BMP6: variants seen among roughly 807,000 people sequenced by gnomAD.
BMP6 encodes the protein bone morphogenetic protein 6.
BMP6 carries 17 observed loss-of-function variants against 54.1 expected under a neutral mutation model. The observed-to-expected ratio is 0.31, with a 90% CI of 0.22 to 0.47. The LOEUF is 0.47. BMP6 is among the 20% of genes least tolerant of loss of function. BMP6 has a pLI of 1.00. For synonymous variants in BMP6, 328 were observed against 291.2 expected, an observed-to-expected ratio of 1.13 and a Z score of -1.28; for missense variants, 720 against 690.4, an observed-to-expected ratio of 1.04 and a Z score of -0.48.
At chr6:7,762,859 T>C (rs976308120) in intron 1 of BMP6, among the ~76,000 whole-genome samples, 2 of 152,224 alleles carry the variant, frequency 1.3e-5, no homozygotes, top group African/African-American at 2.4e-5. Context: ...TCTTAATAGT[T>C]GGCTTGATGT....
rs1318271513 is a variant in BMP6, at chr6:7,727,201, G to A, written c.246G>A (p.Glu82=). The A allele has an allele frequency of 6.2e-7, 1 of 1,604,806 alleles. No homozygotes were observed. The highest frequency in any genetic ancestry group is 1.1e-5 in the South Asian group (1 of 90,344). The part of the protein sequence containing the change: ...KTQEKREMQK[E]ILSVLGLPHR... ...AGGAGAAGCGGGAGATGCAGAAGGA[G>A]ATCTTGTCGGTGCTGGGGCTCCCGC... Residue 82 remains glutamate, a synonymous_variant, in exon 1 of 7, where the codon GAG becomes GAA. Transcript: ENST00000283147.
At chr6:7,796,193 A>G (rs896212821) in intron 1 of BMP6, among the ~76,000 whole-genome samples, 1 of 152,220 alleles carries the variant, frequency 6.6e-6, no homozygotes, top group Non-Finnish European at 1.5e-5. Flanking sequence ...TCAGACATCT[A>G]TGGAATCTCA....
At position 7,870,479 on chromosome 6, in the gene BMP6, G is replaced by A. The variant is rs571460406; in HGVS notation, c.1204+7981G>A. 2.0e-3 allele frequency among the ~76,000 whole-genome samples: 298 copies of A among 152,302 alleles called. 2 individuals are homozygous for A. Among genetic ancestry groups the A allele is most frequent in the African/African-American group, 6.7e-3 (278 of 41,564 alleles). Reference sequence around the variant, plus strand: ...AAGACACGCTTTGGGCACCACAGCTGGGACCTCTCTGCCCAACTCTGTTCT... The same window carrying A: ...AAGACACGCTTTGGGCACCACAGCTAGGACCTCTCTGCCCAACTCTGTTCT... On this transcript the variant is annotated intron_variant, in intron 4 of 6. Transcript: ENST00000283147.
chr6:7,869,540 G>T (rs1759486583), intron 4 of BMP6, among the ~76,000 whole-genome samples: 1 of 152,174 alleles, frequency 6.6e-6, no homozygotes, highest in African/African-American at 2.4e-5. Context: ...TTCTGTTGGG[G>T]CCAAGGGTGC....
intron 1 of BMP6, among the ~76,000 whole-genome samples, chr6:7,834,545 G>A (rs759829689): frequency 6.6e-6 from 1 of 151,312 alleles, no homozygotes; most frequent in Non-Finnish European, 1.5e-5. Flanking sequence ...AAATCATTGA[G>A]GTGGAAAAAC....
At chr6:7,745,086 C>A (rs927305092) in intron 1 of BMP6, among the ~76,000 whole-genome samples, 8 of 152,102 alleles carry the variant, frequency 5.3e-5, no homozygotes, top group Admixed American at 5.2e-4. Context: ...ATCGTATTGG[C>A]CATTGCCAGA....
chr6:7,875,569 T>C (rs116636475), intron 4 of BMP6, among the ~76,000 whole-genome samples: 1,867 of 152,082 alleles, frequency 0.012, 46 homozygotes, highest in African/African-American at 0.042. Context: ...CTTGGGAGGC[T>C]GAGTGGGAGG....
intron 1 of BMP6, among the ~76,000 whole-genome samples, chr6:7,809,093 C>T (rs1270675006): frequency 1.4e-5 from 2 of 144,180 alleles, no homozygotes; most frequent in African/African-American, 2.7e-5. Flanking sequence ...TTCCAATGGG[C>T]GTATAGTACC....
At chr6:7,808,363 GT>G (rs1477994796) in intron 1 of BMP6, among the ~76,000 whole-genome samples, 4 of 152,160 alleles carry the variant, frequency 2.6e-5, no homozygotes, top group Admixed American at 1.3e-4. Flanking sequence ...TCTGAAATGT[GT>G]TAACCACTCA....
intron 1 of BMP6, among the ~76,000 whole-genome samples, chr6:7,817,698 A>T (rs1758552265): frequency 6.6e-6 from 1 of 151,938 alleles, no homozygotes; most frequent in South Asian, 2.1e-4. Context: ...CATTGTGCAC[A>T]TGTACCCTAG....
At position 7,880,058 on chromosome 6, in the gene BMP6, A is replaced by G. The variant is rs150397946; in HGVS notation, c.1349A>G (p.Asn450Ser). The G allele has an allele frequency of 1.9e-5, 30 of 1,614,046 alleles. No individual in the cohort carries two copies. Among genetic ancestry groups the G allele is most frequent in the African/African-American group, 1.1e-4 (8 of 74,926 alleles). The change falls in exon 6 of 7, where the codon AAC becomes AGC. Residue 450 changes from asparagine (N) to serine (S), a missense_variant. Physicochemically the swap from Asn to Ser is conservative, Grantham distance 46. Coordinates refer to ENST00000283147, the MANE Select transcript of BMP6 (RefSeq NM_001718.6). ...GATGGAGAATGCTCCTTCCCACTCA[A>G]CGCACACATGAATGCAACCAACCAC... ...YCDGECSFPL[N>S]AHMNATNHAI...
chr6:7,807,537 C>T (rs545864145), intron 1 of BMP6, among the ~76,000 whole-genome samples: 8 of 152,244 alleles, frequency 5.3e-5, no homozygotes, highest in South Asian at 2.1e-4. Flanking sequence ...CCTTGGCCTC[C>T]CAAAGTGCTG....
intron 1 of BMP6, among the ~76,000 whole-genome samples, chr6:7,801,152 G>A (rs545842308): frequency 2.0e-5 from 3 of 152,264 alleles, no homozygotes; most frequent in South Asian, 2.1e-4. Flanking sequence ...AATAGTATTC[G>A]TTCACTTTGG....
At chr6:7,784,121 A>T (rs985146220) in intron 1 of BMP6, among the ~76,000 whole-genome samples, 1 of 152,210 alleles carries the variant, frequency 6.6e-6, no homozygotes, top group African/African-American at 2.4e-5. Flanking sequence ...ATCATCTTGT[A>T]TATTATATAG....
intron 4 of BMP6, among the ~76,000 whole-genome samples, chr6:7,871,439 A>G (rs886228612): frequency 2.0e-5 from 3 of 152,176 alleles, no homozygotes; most frequent in African/African-American, 7.2e-5. Flanking sequence ...CTGCTTATGG[A>G]AGGAATTCGT....
chr6:7,796,633 T>G (rs1343768477), intron 1 of BMP6, among the ~76,000 whole-genome samples: 1 of 152,192 alleles, frequency 6.6e-6, no homozygotes, highest in Non-Finnish European at 1.5e-5. Flanking sequence ...TGAGGGTATC[T>G]TCATAGTGAA....
intron 1 of BMP6, among the ~76,000 whole-genome samples, chr6:7,810,115 T>TG (rs1316348721): frequency 6.6e-6 from 1 of 152,172 alleles, no homozygotes; most frequent in African/African-American, 2.4e-5. Flanking sequence ...TATGTATTGA[T>TG]GGGGAAAATT....
At chr6:7,830,879 C>A (rs182696303) in intron 1 of BMP6, among the ~76,000 whole-genome samples, 3 of 152,276 alleles carry the variant, frequency 2.0e-5, no homozygotes, top group Admixed American at 6.5e-5. Flanking sequence ...ATGGGAGCTA[C>A]AGTTCAAGAT....
At chr6:7,856,595 A>T (rs1368331509) in intron 2 of BMP6, among the ~76,000 whole-genome samples, 76 of 83,026 alleles carry the variant, frequency 9.2e-4, no homozygotes, top group East Asian at 3.6e-3. Context: ...TATCAAGAGC[A>T]TTTTTTTTTT....
Sources: gnomAD v4.1 joint callset for allele counts (sites outside exome capture counted in the v4.1 genomes callset) on GRCh38, gnomAD v4.1.1 for gene constraint, MANE v1.5 for transcripts, NCBI Gene and HGNC (gene_info 2026-07-23, HGNC 2026-07-21) for gene names.